The following C3orf20 variants were observed in gnomAD, a reference collection of about 807,000 sequenced individuals.
The protein encoded by C3orf20 is family with sequence similarity 149 member C.
In C3orf20, 76 loss-of-function variants were observed where a neutral mutation model predicts 88.3. That is an observed-to-expected ratio of 0.86 (90% CI 0.72 to 1.04). C3orf20 has a LOEUF of 1.04. Ranked by LOEUF, C3orf20 falls within the 50% of genes least tolerant of loss-of-function variation. The pLI is 0.00. For synonymous variants in C3orf20, 436 were observed against 437.4 expected (o/e 1.00, Z 0.04); for missense variants, 1,056 against 1,123.3 (o/e 0.94, Z 0.86).
At chr3:14,682,549 C>A in intron 2 of C3orf20, 29 bp from the exon 3 acceptor site, 2 of 926,440 alleles carry the variant, frequency 2.2e-6, no homozygotes, top group Non-Finnish European at 3.2e-6. Context: ...GGGAGAGTGA[C>A]TAACTCTTTT....
intron 10 of C3orf20, among the ~76,000 whole-genome samples, chr3:14,726,594 A>G (rs757902746): frequency 2.6e-5 from 4 of 152,254 alleles, no homozygotes; most frequent in Non-Finnish European, 5.9e-5. Flanking sequence ...GCTCAAACAC[A>G]GCTGTCACTT....
Position 14,772,263 on chromosome 3 carries a change from T to A in C3orf20, c.2630+62T>A. 2 of 1,610,010 alleles carry A rather than the reference T, an allele frequency of 1.2e-6. No individual in the cohort carries two copies. The highest frequency in any genetic ancestry group is 1.7e-6 in the Non-Finnish European group (2 of 1,177,412). ...TCACAGCAGGCCACCTCGGGGCTAT[T>A]TGGCCTTGGGCAAGTCACTACCCCC... On this transcript the variant is annotated intron_variant, in intron 16 of 16. Coordinates refer to ENST00000253697, the MANE Select transcript of C3orf20 (RefSeq NM_032137.5). This position sits in a 1 kb window ranked among gnomAD's most constrained non-coding sequence, Gnocchi z 4.2.
In C3orf20 at chr3:14,716,559, A is replaced by G. The variant is rs138693054; in HGVS notation, c.1434+1150A>G. Among the ~76,000 whole-genome samples, 53 of 151,860 alleles carry G rather than the reference A, an allele frequency of 3.5e-4. 1 individual carries two copies. The highest frequency in any genetic ancestry group is 3.3e-3 in the South Asian group (16 of 4,804). On this transcript the variant is annotated intron_variant, in intron 9 of 16. Coordinates refer to ENST00000253697, the MANE Select transcript of C3orf20 (RefSeq NM_032137.5). ...ACCACACCTCTGCTTAGGAATATTC[A>G]CTCCCTTGAACATGTCTCACCTTTC... is the stretch of plus-strand genomic sequence containing the variant.
chr3:14,720,092 T>C (rs9823892), intron 9 of C3orf20, among the ~76,000 whole-genome samples: 104,645 of 151,906 alleles, frequency 0.69, 36,070 homozygotes, highest in South Asian at 0.8. Flanking sequence ...TGTAGTGGCG[T>C]GATCTCAGCT....
Position 14,682,605 on chromosome 3 carries a change from G to A in C3orf20, c.-109G>A. 7.2e-7 allele frequency: 1 copy of A among 1,395,254 alleles called. No individual in the cohort carries two copies. The highest frequency in any genetic ancestry group is 9.7e-7 in the Non-Finnish European group (1 of 1,035,394). The allele number at this position is 1,395,254 out of a possible 1,614,324, so 86.4% of individuals were successfully genotyped here. ...ACCACTGGCTCAATGACCTGTAAGG[G>A]CCGTTTCAGCACATCCATTCTGTCC... is the stretch of plus-strand genomic sequence containing the variant. On this transcript the variant is annotated 5_prime_UTR_variant, in exon 3 of 17. Transcript: ENST00000253697.
intron 7 of C3orf20, among the ~76,000 whole-genome samples, chr3:14,707,045 C>T (rs1427717033): frequency 3.3e-5 from 5 of 151,858 alleles, no homozygotes; most frequent in African/African-American, 9.7e-5. Flanking sequence ...GTCAGGAGAT[C>T]GAGTCCATCC....
chr3:14,728,718 C>G, intron 12 of C3orf20, 30 bp downstream of exon 12: 2 of 1,606,188 alleles, frequency 1.2e-6, no homozygotes, highest in Non-Finnish European at 1.7e-6. Context: ...TCTTCCGCAG[C>G]ATCGGGTGTT....
intron 5 of C3orf20, among the ~76,000 whole-genome samples, chr3:14,697,219 C>T (rs1383075423): frequency 6.6e-6 from 1 of 152,134 alleles, no homozygotes; most frequent in Non-Finnish European, 1.5e-5. Flanking sequence ...ATATCTTTCT[C>T]TAGGTTTGGG....
rs374973671 is a variant in C3orf20 at position 14,769,646 on chromosome 3, C to T, written c.2496-2421C>T. ...ACAGACCCTGAAGCAGGCGTCATGC[C>T]GTGGGGGCTGGAGCTTACCCCTGCA... On this transcript the variant is annotated intron_variant, in intron 15 of 16. Coordinates refer to ENST00000253697, the MANE Select transcript of C3orf20 (RefSeq NM_032137.5). Among the ~76,000 whole-genome samples, 28 of 152,236 alleles carry T rather than the reference C, an allele frequency of 1.8e-4. No homozygotes were observed. In the East Asian group the frequency reaches 4.1e-3, roughly 22 times the overall value.
rs373837783 is a variant in C3orf20 at position 14,727,035 on chromosome 3, T to C, written c.1690+11T>C. The C allele has an allele frequency of 2.2e-5, 36 of 1,613,974 alleles. No individual in the cohort carries two copies. Among genetic ancestry groups the C allele is most frequent in the Non-Finnish European group, 2.5e-6 (3 of 1,179,998 alleles). ...TCTTGCTGGCCGCAGGTAAGGAGGC[T>C]GAAAGGTGGGCGAAGGCCTATCTGT... On this transcript the variant is annotated intron_variant, in intron 11 of 16. Coordinates refer to ENST00000253697, the MANE Select transcript of C3orf20 (RefSeq NM_032137.5).
At chr3:14,684,410 T>G (rs756039569) in intron 4 of C3orf20, 28 bp downstream of exon 4, 5 of 1,607,808 alleles carry the variant, frequency 3.1e-6, no homozygotes, top group Middle Eastern at 1.7e-4. Flanking sequence ...AACCCTTAGG[T>G]AAGAAGTGCA....
rs541549571 is a variant in C3orf20, at chr3:14,680,263, C to T, written c.-298-1907C>T. The stretch of plus-strand genomic sequence containing the variant: ...TAAAAATAACCAAAATGCCCATTAA[C>T]AAATGAGTGGATCAACAAATTGTGG... On this transcript the variant is annotated intron_variant, in intron 1 of 16. Coordinates refer to ENST00000253697, the MANE Select transcript of C3orf20 (RefSeq NM_032137.5). Among the ~76,000 whole-genome samples, 12 of 152,262 alleles carry T rather than the reference C, an allele frequency of 7.9e-5. No individual in the cohort carries two copies. The South Asian group carries it at 2.5e-3, about 32-fold the overall frequency.
At chr3:14,694,380 G>T (rs542896839) in intron 5 of C3orf20, among the ~76,000 whole-genome samples, 1 of 152,208 alleles carries the variant, frequency 6.6e-6, no homozygotes, top group African/African-American at 2.4e-5. Context: ...TTATTGGTCT[G>T]TTCAGGTTTT....
intron 11 of C3orf20, 42 bp from the exon 12 acceptor site, chr3:14,728,397 T>C (rs781528577): frequency 4.3e-6 from 7 of 1,610,028 alleles, no homozygotes; most frequent in Non-Finnish European, 5.9e-6. Context: ...AGAGGAGTCC[T>C]GGCCATGAAG....
At chr3:14,734,095 C>G (rs1301941607) in intron 12 of C3orf20, among the ~76,000 whole-genome samples, 1 of 152,110 alleles carries the variant, frequency 6.6e-6, no homozygotes, top group East Asian at 1.9e-4. Flanking sequence ...TGCAATTTTT[C>G]TTTTCTCCTT....
rs138137697 is a variant in C3orf20 at position 14,735,507 on chromosome 3, T to C, written c.1940+6819T>C. 6.7e-3 allele frequency among the ~76,000 whole-genome samples: 1,028 copies of C among 152,302 alleles called. 5 individuals are homozygous for C. Among genetic ancestry groups the C allele is most frequent in the South Asian group, 0.013 (62 of 4,824 alleles). On this transcript the variant is annotated intron_variant, in intron 12 of 16. Coordinates refer to ENST00000253697, the MANE Select transcript of C3orf20 (RefSeq NM_032137.5). ...ACAATGCAATGATCTTAGAATACTT[T>C]GTCCATTTACCGCTTGTTTTGCACT...
Position 14,726,935 on chromosome 3 carries a change from T to C in C3orf20, c.1601T>C (p.Val534Ala). 2.5e-6 allele frequency: 4 copies of C among 1,613,996 alleles called. No individual in the cohort carries two copies. The East Asian group carries it at 8.9e-5, about 36-fold the overall frequency. ...NRRISNMDDKVYKMSRALAEI... is the reference protein window; with the variant it reads ...NRRISNMDDKAYKMSRALAEI... ...AGAATCAGCAACATGGACGACAAGG[T>C]GTATAAGATGAGCCGAGCCCTGGCT... The change falls in exon 11 of 17, where the codon GTG (valine) becomes GCG (alanine). Residue 534 changes from valine (V) to alanine (A), a missense_variant. Physicochemically the swap from Val to Ala is moderately conservative, Grantham distance 64. Transcript: ENST00000253697.
Position 14,685,091 on chromosome 3 carries a change from A to G in C3orf20, c.625+709A>G, listed in dbSNP as rs1339057607. The stretch of plus-strand genomic sequence containing the variant: ...CAAAAATTAATCCGAATGTTTATCA[A>G]CAAGAGAAAAAGATATAAATTAAGG... On this transcript the variant is annotated intron_variant, in intron 4 of 16. Transcript: ENST00000253697. Among the ~76,000 whole-genome samples the G allele has an allele frequency of 3.3e-5, 5 of 152,260 alleles. No individual in the cohort carries two copies. The South Asian group carries it at 6.2e-4, about 19-fold the overall frequency.
At chr3:14,747,791 T>TA (rs1003261672) in intron 12 of C3orf20, among the ~76,000 whole-genome samples, 1 of 152,054 alleles carries the variant, frequency 6.6e-6, no homozygotes, top group Non-Finnish European at 1.5e-5. Flanking sequence ...GACCTTTTTT[T>TA]AAAAAATGTT....
Sources: allele counts gnomAD v4.1 joint callset (sites outside exome capture counted in the v4.1 genomes callset), GRCh38; gene constraint gnomAD v4.1.1; non-coding constraint Gnocchi (gnomAD v3.1); transcripts MANE v1.5; gene names NCBI Gene and HGNC (gene_info 2026-07-23, HGNC 2026-07-21).